ANXA2: variants seen among roughly 807,000 people sequenced by gnomAD.
ANXA2 encodes annexin II.
ANXA2 carries 28 observed loss-of-function variants against 47.3 expected under a neutral mutation model. The ratio of observed to expected loss-of-function variants is 0.59; its 90% CI spans 0.44 to 0.81. The LOEUF (loss-of-function observed/expected upper bound fraction) is 0.81. Among genes scored for constraint, ANXA2 ranks in the 40% least tolerant of loss-of-function variants. ANXA2 has a pLI of 0.00. For synonymous variants in ANXA2, 172 were observed against 155.5 expected (o/e 1.11, Z -0.79); for missense variants, 384 against 414.3 (o/e 0.93, Z 0.64).
intron 3 of ANXA2, among the ~76,000 whole-genome samples, chr15:60,368,565 TAA>T (rs749300788): frequency 1.1e-4 from 16 of 140,248 alleles, no homozygotes; most frequent in Non-Finnish European, 1.4e-4. Context: ...TACTGTTAAG[TAA>T]AAAAAAAAAA....
At chr15:60,360,233 G>T (rs915995594) in intron 5 of ANXA2, among the ~76,000 whole-genome samples, 9 of 152,132 alleles carry the variant, frequency 5.9e-5, no homozygotes, top group Non-Finnish European at 1.2e-4. Context: ...TCCAGCCTGG[G>T]CAACAAGAGC....
At chr15:60,377,753 G>C (rs569867079) in intron 3 of ANXA2, among the ~76,000 whole-genome samples, 1 of 152,246 alleles carries the variant, frequency 6.6e-6, no homozygotes, top group Admixed American at 6.5e-5. Context: ...ACGTACGTCT[G>C]TTTCCATTGC....
At chr15:60,388,886 C>A (rs560199908) in intron 1 of ANXA2, among the ~76,000 whole-genome samples, 1 of 145,854 alleles carries the variant, frequency 6.9e-6, no homozygotes, top group Non-Finnish European at 1.5e-5. Context: ...GGACTACAGG[C>A]GTGTGCCACT....
chr15:60,348,467 G>A (rs527888244), intron 12 of ANXA2, among the ~76,000 whole-genome samples: 3 of 152,314 alleles, frequency 2.0e-5, no homozygotes, highest in South Asian at 2.1e-4. Flanking sequence ...AAATGTGGCC[G>A]GGCGCAGTGG....
intron 3 of ANXA2, among the ~76,000 whole-genome samples, chr15:60,380,591 G>A (rs1475214490): frequency 6.6e-6 from 1 of 151,674 alleles, no homozygotes. Flanking sequence ...ATCACCAGAG[G>A]TGAGGGAGTT....
Position 60,352,298 on chromosome 15 carries a change from G to A in ANXA2, c.682+85C>T. 1 of 869,136 alleles carries A rather than the reference G, an allele frequency of 1.2e-6. No individual in the cohort carries two copies. Among genetic ancestry groups the A allele is most frequent in the Non-Finnish European group, 1.8e-6 (1 of 542,332 alleles). The allele number at this position is 869,136 out of a possible 1,614,324, so 53.8% of individuals were successfully genotyped here. The stretch of plus-strand genomic sequence containing the variant: ...CAAGCGGAGACAGAACCTCATTCTG[G>A]CAGACTCCATCCCAACATGGACATC... On this transcript the variant is annotated intron_variant, in intron 9 of 12. Coordinates refer to ENST00000451270, the MANE Select transcript of ANXA2 (RefSeq NM_004039.3). This position sits in a 1 kb window ranked among gnomAD's most constrained non-coding sequence, Gnocchi z 4.2.
chr15:60,365,755 T>C (rs1363046726), intron 3 of ANXA2, among the ~76,000 whole-genome samples: 1 of 152,134 alleles, frequency 6.6e-6, no homozygotes, highest in Admixed American at 6.5e-5. Flanking sequence ...CTATCTTAAC[T>C]GTAGCATCTA....
chr15:60,382,309 C>A (rs2062872468), intron 3 of ANXA2, 33 bp downstream of exon 3: 1 of 1,543,874 alleles, frequency 6.5e-7, no homozygotes, highest in Non-Finnish European at 9.0e-7. Flanking sequence ...CTCAGTAAGA[C>A]CCTGACAAGA....
chr15:60,352,247 G>T lies in ANXA2; in HGVS notation c.682+136C>A. On this transcript the variant is annotated intron_variant, in intron 9 of 12. Transcript: ENST00000451270. The surrounding 1 kb of genome is among the most constrained non-coding windows in gnomAD (Gnocchi z 4.2). ...TCCAGAATGGGAGAGAAAGGTGAGGGAAAATGGGTGAGCCTATGAGAGTGC... is the reference window on the plus strand; with the variant it reads ...TCCAGAATGGGAGAGAAAGGTGAGGTAAAATGGGTGAGCCTATGAGAGTGC... 1.7e-6 allele frequency: 1 copy of T among 583,476 alleles called. No homozygotes were observed. Among genetic ancestry groups the T allele is most frequent in the South Asian group, 2.5e-5 (1 of 40,080 alleles). 36.1% of individuals were successfully genotyped at this position (583,476 alleles called of 1,614,324 possible). A position where few individuals can be genotyped will look rare whatever the true frequency, so the allele number is the denominator to read the frequency against.
chr15:60,379,266 A>G (rs888480183), intron 3 of ANXA2, among the ~76,000 whole-genome samples: 5 of 152,190 alleles, frequency 3.3e-5, no homozygotes, highest in Non-Finnish European at 7.3e-5. Context: ...TGACACAGCG[A>G]AACTCCATCT....
At chr15:60,392,717 T>C (rs1335720559) in intron 1 of ANXA2, among the ~76,000 whole-genome samples, 2 of 152,226 alleles carry the variant, frequency 1.3e-5, no homozygotes, top group Admixed American at 1.3e-4. Context: ...TCCAGAAGTT[T>C]TGTGGACACA....
intron 3 of ANXA2, among the ~76,000 whole-genome samples, chr15:60,380,118 A>T (rs2140903839): frequency 6.6e-6 from 1 of 152,342 alleles, no homozygotes; most frequent in Non-Finnish European, 1.5e-5. Flanking sequence ...AAAGCAAACC[A>T]CATGGATGTG....
intron 3 of ANXA2, among the ~76,000 whole-genome samples, chr15:60,377,684 C>T (rs2062799349): frequency 5.3e-5 from 8 of 151,868 alleles, no homozygotes; most frequent in Admixed American, 4.6e-4. Flanking sequence ...TGCCACAAAT[C>T]TTCAATTTGT....
chr15:60,351,144 A>G, intron 11 of ANXA2, 49 bp downstream of exon 11: 1 of 1,599,128 alleles, frequency 6.3e-7, no homozygotes. Flanking sequence ...GACCCAAAAG[A>G]AGAAAAGCTG....
intron 4 of ANXA2, among the ~76,000 whole-genome samples, chr15:60,362,301 C>T (rs895942093): frequency 1.3e-5 from 2 of 152,196 alleles, no homozygotes; most frequent in African/African-American, 4.8e-5. Flanking sequence ...CATTTGGGCA[C>T]CTACTGACTT....
Position 60,386,125 on chromosome 15 carries a change from C to T in ANXA2, c.-11-39G>A, listed in dbSNP as rs745739496. The T allele has an allele frequency of 4.7e-5, 66 of 1,399,700 alleles. 2 individuals carry two copies. The East Asian group carries it at 1.5e-3, about 31-fold the overall frequency. The allele number at this position is 1,399,700 out of a possible 1,614,324, so 86.7% of individuals were successfully genotyped here. On this transcript the variant is annotated intron_variant, in intron 1 of 12. Coordinates refer to ENST00000451270, the MANE Select transcript of ANXA2 (RefSeq NM_004039.3). ...ACAACAAAAAGTCTTTATGAAGAGG[C>T]TCTCCTTTACTCTGAAGCACAGCGA...
At chr15:60,385,405 A>C (rs2140919689) in intron 2 of ANXA2, among the ~76,000 whole-genome samples, 1 of 152,278 alleles carries the variant, frequency 6.6e-6, no homozygotes. Context: ...GTCTCAACTA[A>C]AAATACAAAA....
At chr15:60,350,515 G>C (rs1195746864) in intron 11 of ANXA2, among the ~76,000 whole-genome samples, 1 of 152,186 alleles carries the variant, frequency 6.6e-6, no homozygotes, top group Non-Finnish European at 1.5e-5. Flanking sequence ...ATTTGATATG[G>C]AACTCAAAGA....
intron 3 of ANXA2, among the ~76,000 whole-genome samples, chr15:60,370,242 G>T (rs2062694045): frequency 1.3e-5 from 2 of 152,202 alleles, no homozygotes; most frequent in Non-Finnish European, 2.9e-5. Context: ...TAACTACAAA[G>T]AAATGAAATG....
Sources: allele counts gnomAD v4.1 joint callset (sites outside exome capture counted in the v4.1 genomes callset), GRCh38; gene constraint gnomAD v4.1.1; non-coding constraint Gnocchi (gnomAD v3.1); transcripts MANE v1.5; gene names NCBI Gene and HGNC (gene_info 2026-07-23, HGNC 2026-07-21).